The following GALNT10 variants were observed in gnomAD, a reference collection of about 807,000 sequenced individuals.
GALNT10 encodes GalNAc transferase 10.
In GALNT10, 41 loss-of-function variants were observed where a neutral mutation model predicts 75.0. That is an observed-to-expected ratio of 0.55 (90% CI 0.43 to 0.71). GALNT10 has a LOEUF of 0.71. GALNT10 is among the 30% of genes least tolerant of loss of function. The pLI is 0.00. For synonymous variants in GALNT10, 302 were observed against 313.0 expected, an observed-to-expected ratio of 0.96 and a Z score of 0.37; for missense variants, 727 against 818.5, an observed-to-expected ratio of 0.89 and a Z score of 1.36.
chr5:154,312,231 G>A (rs917737418), intron 3 of GALNT10, among the ~76,000 whole-genome samples: 2 of 152,184 alleles, frequency 1.3e-5, no homozygotes, highest in African/African-American at 2.4e-5. Context: ...GCAGTGTGAT[G>A]ATAAGACAAG....
At chr5:154,308,075 A>G (rs528640579) in intron 3 of GALNT10, among the ~76,000 whole-genome samples, 10 of 149,888 alleles carry the variant, frequency 6.7e-5, no homozygotes, top group Non-Finnish European at 1.3e-4. Flanking sequence ...TCTGTCTGGT[A>G]TCTTTATTCA....
chr5:154,337,769 T>C (rs1754966929), intron 4 of GALNT10: 1 of 1,123,544 alleles, frequency 8.9e-7, no homozygotes, highest in Non-Finnish European at 1.3e-6. Context: ...CACTGAAGTT[T>C]CATCCATGAC....
intron 3 of GALNT10, among the ~76,000 whole-genome samples, chr5:154,300,422 G>A (rs989943640): frequency 6.6e-6 from 1 of 152,126 alleles, no homozygotes; most frequent in Non-Finnish European, 1.5e-5. Context: ...CAAAGGCCAG[G>A]ACCCCACCCC....
chr5:154,242,909 G>A (rs557125178), intron 1 of GALNT10, among the ~76,000 whole-genome samples: 2 of 152,316 alleles, frequency 1.3e-5, no homozygotes, highest in African/African-American at 4.8e-5. Context: ...TTACAGCTTT[G>A]TTATTTGTTC....
At chr5:154,355,236 C>T (rs1000117184) in intron 4 of GALNT10, among the ~76,000 whole-genome samples, 5 of 152,166 alleles carry the variant, frequency 3.3e-5, no homozygotes, top group Non-Finnish European at 5.9e-5. Flanking sequence ...TCCAACCTCC[C>T]TTCCTGCTCC....
At chr5:154,386,488 G>GC in intron 7 of GALNT10, 58 bp downstream of exon 7, 4 of 1,075,256 alleles carry the variant, frequency 3.7e-6, no homozygotes, top group Non-Finnish European at 4.4e-6. Context: ...GCCTGTCCCA[G>GC]TAGGTGTCTC....
At chr5:154,312,930 T>C (rs899372075) in intron 3 of GALNT10, among the ~76,000 whole-genome samples, 1 of 152,210 alleles carries the variant, frequency 6.6e-6, no homozygotes, top group African/African-American at 2.4e-5. Flanking sequence ...ATGTGGAATA[T>C]ATTGCATGTT....
intron 1 of GALNT10, among the ~76,000 whole-genome samples, chr5:154,269,388 A>G (rs538797250): frequency 2.0e-5 from 3 of 152,326 alleles, no homozygotes; most frequent in Non-Finnish European, 4.4e-5. Context: ...AATACACACA[A>G]AAAAGTCCTA....
At chr5:154,198,689 C>T (rs143306546) in intron 1 of GALNT10, among the ~76,000 whole-genome samples, 16 of 152,326 alleles carry the variant, frequency 1.1e-4, no homozygotes, top group African/African-American at 3.8e-4. Context: ...ACAACCCAGA[C>T]CCTCTGTATC....
At chr5:154,240,405 A>G (rs1051178132) in intron 1 of GALNT10, among the ~76,000 whole-genome samples, 1 of 152,214 alleles carries the variant, frequency 6.6e-6, no homozygotes. Context: ...ACTGACTGCA[A>G]GTGTTAGTGA....
intron 1 of GALNT10, among the ~76,000 whole-genome samples, chr5:154,285,445 G>A (rs1754097307): frequency 6.6e-6 from 1 of 152,158 alleles, no homozygotes; most frequent in African/African-American, 2.4e-5. Context: ...CAGGCTAGGT[G>A]AGGGGAGAGC....
chr5:154,259,849 G>A (rs1236704950), intron 1 of GALNT10, among the ~76,000 whole-genome samples: 1 of 152,172 alleles, frequency 6.6e-6, no homozygotes, highest in African/African-American at 2.4e-5. Context: ...ACAACATGAA[G>A]TATAACTGAT....
chr5:154,259,438 C>T (rs1753665065), intron 1 of GALNT10, among the ~76,000 whole-genome samples: 4 of 152,112 alleles, frequency 2.6e-5, no homozygotes, highest in Admixed American at 2.0e-4. Context: ...TGTCTGCCAG[C>T]GTAAAGTTAC....
chr5:154,340,599 C>G (rs1755019123), intron 4 of GALNT10, among the ~76,000 whole-genome samples: 1 of 152,156 alleles, frequency 6.6e-6, no homozygotes, highest in Non-Finnish European at 1.5e-5. Flanking sequence ...GTAAATGAAG[C>G]ACGTTGGCCA....
chr5:154,244,779 G>A (rs1753395116), intron 1 of GALNT10, among the ~76,000 whole-genome samples: 1 of 152,178 alleles, frequency 6.6e-6, no homozygotes, highest in Non-Finnish European at 1.5e-5. Context: ...GTCTCAAGGA[G>A]GTATCACTGC....
rs567118080 is a variant in GALNT10, at chr5:154,369,342, G to A, written c.569-6935G>A. On this transcript the variant is annotated intron_variant, in intron 4 of 11. Coordinates refer to ENST00000297107, the MANE Select transcript of GALNT10 (RefSeq NM_198321.4). ...AGCGGAGGCTGCAGTGAGCTGAGAT[G>A]GCACCACTACACTCCAGCCTGGGTG... Among the ~76,000 whole-genome samples, 7 of 152,196 alleles carry A rather than the reference G, an allele frequency of 4.6e-5. No individual in the cohort carries two copies. In the East Asian group the frequency reaches 1.4e-3, roughly 29 times the overall value.
At chr5:154,258,834 G>C (rs1232972320) in intron 1 of GALNT10, among the ~76,000 whole-genome samples, 2 of 152,020 alleles carry the variant, frequency 1.3e-5, no homozygotes, top group South Asian at 2.1e-4. Context: ...ATATTTAAAG[G>C]CCAATCCAAA....
intron 8 of GALNT10, chr5:154,406,378 G>A (rs1291775039): frequency 6.6e-6 from 1 of 152,180 alleles, no homozygotes; most frequent in Non-Finnish European, 1.5e-5. Flanking sequence ...CTTCCCCAGG[G>A]ACTCTGTGAT....
At chr5:154,386,579 T>C in intron 7 of GALNT10, 149 bp downstream of exon 7, 1 of 391,684 alleles carries the variant, frequency 2.6e-6, no homozygotes, top group Admixed American at 3.7e-5. Flanking sequence ...AGACAGGGGC[T>C]CATGGGCCAC....
Sources: gnomAD v4.1 joint callset for allele counts (sites outside exome capture counted in the v4.1 genomes callset) on GRCh38, gnomAD v4.1.1 for gene constraint, MANE v1.5 for transcripts, NCBI Gene and HGNC (gene_info 2026-07-23, HGNC 2026-07-21) for gene names.